Variants in ZMYM2 observed in about 807,000 individuals in gnomAD.
ZMYM2 encodes zinc finger MYM-type protein 2.
ZMYM2 carries 56 observed loss-of-function variants against 162.8 expected under a neutral mutation model. The ratio of observed to expected loss-of-function variants is 0.34; its 90% confidence interval spans 0.28 to 0.43. The LOEUF (loss-of-function observed/expected upper bound fraction) is 0.43. Among genes scored for constraint, ZMYM2 ranks in the 20% least tolerant of loss-of-function variants. The pLI, the probability that ZMYM2 is intolerant of heterozygous loss-of-function variation, is 1.00. For synonymous variants in ZMYM2, 510 were observed against 541.6 expected, an observed-to-expected ratio of 0.94 and a Z score of 0.81; for missense variants, 1,275 against 1,621.8, an observed-to-expected ratio of 0.79 and a Z score of 3.67.
chr13:19,868,049 G>A, the ZMYM2 span, among the ~76,000 whole-genome samples: 1 of 152,180 alleles, frequency 6.6e-6, no homozygotes, highest in Admixed American at 6.5e-5. Flanking sequence ...GTGCCAGAGA[G>A]CTTTCTCAAC....
intron 9 of ZMYM2, 150 bp downstream of exon 9, chr13:20,027,468 TGG>T: frequency 3.5e-6 from 2 of 574,332 alleles, no homozygotes; most frequent in Non-Finnish European, 5.8e-6. Flanking sequence ...ACAGAATATG[TGG>T]CTGTACCAGT....
At chr13:20,040,513 T>C (rs1345009988) in intron 12 of ZMYM2, among the ~76,000 whole-genome samples, 1 of 152,036 alleles carries the variant, frequency 6.6e-6, no homozygotes, top group Non-Finnish European at 1.5e-5. Flanking sequence ...AGTCTGTCTA[T>C]TAATCCCGCC....
upstream of ZMYM2, among the ~76,000 whole-genome samples, chr13:19,954,819 T>G (rs1349262344): frequency 1.3e-5 from 2 of 152,074 alleles, no homozygotes; most frequent in Non-Finnish European, 2.9e-5. Context: ...TGTTGTTTTT[T>G]TTTTCTTTTT....
In ZMYM2 at chr13:20,034,413, C is replaced by T. The variant is rs372802569; in HGVS notation, c.2119+9C>T. 1.4e-4 allele frequency: 220 copies of T among 1,572,736 alleles called. No homozygotes were observed. Among genetic ancestry groups the T allele is most frequent in the Non-Finnish European group, 1.8e-4 (210 of 1,163,084 alleles). On this transcript the variant is annotated intron_variant, in intron 11 of 24. Coordinates refer to ENST00000610343, the MANE Select transcript of ZMYM2 (RefSeq NM_197968.4). ...ACCTTTCTGTAGTGAAGGCAAGTTGCATATACAGTGTTGTTCATAACATTT... is the reference window on the plus strand; with the variant it reads ...ACCTTTCTGTAGTGAAGGCAAGTTGTATATACAGTGTTGTTCATAACATTT...
intron 4 of ZMYM2, among the ~76,000 whole-genome samples, chr13:20,004,198 T>C (rs1022875615): frequency 2.0e-5 from 3 of 152,158 alleles, no homozygotes; most frequent in African/African-American, 7.2e-5. Flanking sequence ...CAGTGTAGGA[T>C]CTTGAAAATC....
At chr13:19,917,198 G>A in the ZMYM2 span, among the ~76,000 whole-genome samples, 9 of 152,128 alleles carry the variant, frequency 5.9e-5, no homozygotes, top group South Asian at 4.2e-4. Flanking sequence ...TCCTGACCTC[G>A]TGATCCGCCC....
chr13:19,869,068 T>C, the ZMYM2 span, among the ~76,000 whole-genome samples: 1 of 152,200 alleles, frequency 6.6e-6, no homozygotes, highest in South Asian at 2.1e-4. Flanking sequence ...CTTATTTGCT[T>C]TATCCTACAC....
chr13:20,006,991 TATAATG>T (rs1950792132), intron 6 of ZMYM2, among the ~76,000 whole-genome samples: 1 of 152,212 alleles, frequency 6.6e-6, no homozygotes, highest in Non-Finnish European at 1.5e-5. Flanking sequence ...AGATTTTACA[TATAATG>T]GTAAATGCTA....
At chr13:19,872,026 A>G in the ZMYM2 span, among the ~76,000 whole-genome samples, 467 of 151,888 alleles carry the variant, frequency 3.1e-3, no homozygotes, top group Non-Finnish European at 4.1e-3. Context: ...CTGGGGTGCA[A>G]TGGTATAATC....
intron 6 of ZMYM2, among the ~76,000 whole-genome samples, chr13:20,016,059 G>C (rs775447806): frequency 1.3e-5 from 2 of 150,646 alleles, no homozygotes; most frequent in African/African-American, 4.9e-5. Context: ...ATTTTTTTTC[G>C]GTATATTCTA....
intron 2 of ZMYM2, among the ~76,000 whole-genome samples, chr13:19,988,867 C>G (rs1024102694): frequency 6.6e-6 from 1 of 152,182 alleles, no homozygotes. Context: ...TATTCTGCAT[C>G]TCTTTTTGTA....
At position 20,019,550 on chromosome 13, in the gene ZMYM2, G is replaced by A; in HGVS notation, c.1516G>A (p.Gly506Ser). The stretch of plus-strand genomic sequence containing the variant: ...GTCTTTTAAAATCTTTTTTTAGGTA[G>A]GTAGCCATCCAAGCTTCCTGAAGGA... The part of the protein sequence containing the change: ...QSCVSEYKQV[G>S]SHPSFLKEVR... Residue 506 changes from glycine (G) to serine (S), a missense_variant, in exon 7 of 25, where the codon GGT becomes AGT. By Grantham distance (56) the Gly-to-Ser change is moderately conservative. This residue lies in a region of ZMYM2 where 276 missense variants were observed against 311.8 expected (regional missense o/e 0.89). Transcript: ENST00000610343. The A allele has an allele frequency of 6.3e-7, 1 of 1,583,286 alleles. No homozygotes were observed. The highest frequency in any genetic ancestry group is 8.6e-7 in the Non-Finnish European group (1 of 1,164,190).
intron 10 of ZMYM2, among the ~76,000 whole-genome samples, 168 bp downstream of exon 10, chr13:20,031,603 A>G (rs191414498): frequency 8.6e-4 from 131 of 151,952 alleles, no homozygotes; most frequent in African/African-American, 3.0e-3. Context: ...GAAAACCAAC[A>G]AAGGATCTAT....
At chr13:20,080,663 T>C (rs1957851768) in intron 21 of ZMYM2, among the ~76,000 whole-genome samples, 2 of 152,132 alleles carry the variant, frequency 1.3e-5, no homozygotes. Context: ...CTAATTTTTG[T>C]ATTTTTTGTA....
At position 20,083,785 on chromosome 13, in the gene ZMYM2, TAATGATAC is replaced by T; in HGVS notation, c.3941+10_3941+17del. ...TGCTACTTGTCTAAAAGGTGAGTGTTAATGATACTTAACTTTTAAAAATGTTGGTAGAA... is the reference window on the plus strand; with the variant it reads ...TGCTACTTGTCTAAAAGGTGAGTGTTTTAACTTTTAAAAATGTTGGTAGAA... On this transcript the variant is annotated intron_variant, in intron 24 of 24. Transcript: ENST00000610343. The T allele has an allele frequency of 6.3e-7, 1 of 1,597,184 alleles. No homozygotes were observed. Among genetic ancestry groups the T allele is most frequent in the African/African-American group, 1.3e-5 (1 of 74,668 alleles).
chr13:19,958,722 G>GCCTCCT (rs1055421683), upstream of ZMYM2: 3 of 153,560 alleles, frequency 2.0e-5, no homozygotes, highest in Non-Finnish European at 4.3e-5. Context: ...CGCCTCCTCC[G>GCCTCCT]CCTCCTCCTC....
intron 11 of ZMYM2, among the ~76,000 whole-genome samples, chr13:20,036,399 G>A (rs1183892419): frequency 6.6e-6 from 1 of 151,774 alleles, no homozygotes; most frequent in Non-Finnish European, 1.5e-5. Context: ...TTTCTAAAAT[G>A]CCTATTTGTG....
At chr13:20,082,173 G>T in intron 22 of ZMYM2, 43 bp downstream of exon 22, 1 of 1,365,596 alleles carries the variant, frequency 7.3e-7, no homozygotes, top group Non-Finnish European at 1.0e-6. Context: ...TTGATATTAG[G>T]ATTGTTATTT....
chr13:19,916,195 C>T, the ZMYM2 span, among the ~76,000 whole-genome samples: 1 of 151,876 alleles, frequency 6.6e-6, no homozygotes, highest in Non-Finnish European at 1.5e-5. Flanking sequence ...GAATGGCGAT[C>T]ATTAAAAAGT....
Sources: gnomAD v4.1 joint callset for allele counts (sites outside exome capture counted in the v4.1 genomes callset) on GRCh38, gnomAD v4.1.1 for gene constraint, gnomAD v4.1.1 regional missense constraint, MANE v1.5 for transcripts, NCBI Gene and HGNC (gene_info 2026-07-23, HGNC 2026-07-21) for gene names.